The following DOP1B variants were observed in gnomAD, a reference collection of about 807,000 sequenced individuals.
The protein encoded by DOP1B is DOP1 leucine zipper like protein B, also known as protein DOP1B.
In DOP1B, 174 loss-of-function variants were observed where a neutral mutation model predicts 233.5. The observed-to-expected ratio is 0.75, with a 90% CI of 0.66 to 0.85. The LOEUF (loss-of-function observed/expected upper bound fraction) is 0.85, where lower values mean the gene tolerates loss of function less well. DOP1B is among the 40% of genes least tolerant of loss of function. DOP1B has a pLI of 0.00. For synonymous variants in DOP1B, 1,190 were observed against 1,185.6 expected, an observed-to-expected ratio of 1.00 and a Z score of -0.08; for missense variants, 2,652 against 2,846.6, an observed-to-expected ratio of 0.93 and a Z score of 1.56.
intron 24 of DOP1B, among the ~76,000 whole-genome samples, chr21:36,262,957 G>A (rs2067189004): frequency 1.3e-5 from 2 of 151,284 alleles, no homozygotes; most frequent in South Asian, 2.1e-4. Flanking sequence ...AAGAAAGGCC[G>A]GGCGCAGTGG....
At chr21:36,160,306 G>A (rs759163778) in intron 1 of DOP1B, among the ~76,000 whole-genome samples, 3 of 151,952 alleles carry the variant, frequency 2.0e-5, no homozygotes, top group East Asian at 3.9e-4. Flanking sequence ...TTGAGTAGGC[G>A]GTCTTATTTT....
chr21:36,259,653 C>T (rs62232372), intron 23 of DOP1B, among the ~76,000 whole-genome samples: 37,341 of 152,006 alleles, frequency 0.25, 5,074 homozygotes, highest in Admixed American at 0.31. Context: ...GCTTGGTCGC[C>T]GTAGAACCAA....
At chr21:36,286,413 T>A (rs2067484350) in intron 32 of DOP1B, among the ~76,000 whole-genome samples, 1 of 151,810 alleles carries the variant, frequency 6.6e-6, no homozygotes, top group Admixed American at 6.6e-5. Context: ...GGAGGGCAGA[T>A]CACGTGAGGT....
Position 36,245,599 on chromosome 21 carries a change from A to G in DOP1B, c.3619A>G (p.Thr1207Ala). The change falls in exon 19 of 37, where the codon ACA becomes GCA. Residue 1207 changes from threonine to alanine, a missense_variant. Around this residue, in one of 3 missense-constraint regions of DOP1B, gnomAD observed 2,617 missense variants for 2,794.3 expected, o/e 0.94. Transcript: ENST00000691173. The surrounding 1 kb of genome is among the most constrained non-coding windows in gnomAD (Gnocchi z 5.5). ...EADLELQALT[T>A]SRLLKQQRER... ...GGACTTGGAGCTCCAGGCCCTCACC[A>G]CATCCAGGCTGCTAAAGCAGCAGCG... 1.2e-6 allele frequency: 2 copies of G among 1,613,216 alleles called. No individual in the cohort carries two copies. Among genetic ancestry groups the G allele is most frequent in the Non-Finnish European group, 1.7e-6 (2 of 1,179,778 alleles).
intron 12 of DOP1B, among the ~76,000 whole-genome samples, chr21:36,226,294 CTCTT>C (rs1478697653): frequency 2.0e-5 from 3 of 148,066 alleles, no homozygotes; most frequent in Non-Finnish European, 2.9e-5. Context: ...GTCTCTCTCT[CTCTT>C]TTTTTTTTTT....
rs138373881 is a variant in DOP1B at position 36,277,064 on chromosome 21, G to A, written c.5676G>A (p.Ser1892=). Residue 1892 remains serine, a synonymous_variant, in exon 28 of 37, where the codon TCG becomes TCA. Transcript: ENST00000691173. ...CAATGGTGTCTTCATCCGCCCCGTC[G>A]GTGTACAGCGTGCAAGCCCTCTCTC... ...ASAMVSSSAP[S]VYSVQALSLL... 297 of 1,614,084 alleles carry A rather than the reference G, an allele frequency of 1.8e-4. 1 individual carries two copies. The African/African-American group carries it at 2.9e-3, about 16-fold the overall frequency.
chr21:36,277,011 C>G lies in DOP1B; in HGVS notation c.5633-10C>G, dbSNP rs766026408. 1.9e-6 allele frequency: 3 copies of G among 1,613,820 alleles called. No individual in the cohort carries two copies. The highest frequency in any genetic ancestry group is 1.7e-5 in the Admixed American group (1 of 59,922). On this transcript the variant is annotated splice_polypyrimidine_tract_variant and intron_variant, in intron 27 of 36. Coordinates refer to ENST00000691173, the MANE Select transcript of DOP1B (RefSeq NM_001320714.2). ...ATAGTTAACATACAAATGGCTCTTT[C>G]TGTTCACAGATGCTGCTGCAGCTTC... is the stretch of plus-strand genomic sequence containing the variant.
At chr21:36,225,786 G>A (rs1226309329) in intron 12 of DOP1B, 119 bp downstream of exon 12, 2 of 989,116 alleles carry the variant, frequency 2.0e-6, no homozygotes, top group South Asian at 1.5e-5. Flanking sequence ...ATGCAACACT[G>A]TTTTGATGTT....
intron 9 of DOP1B, among the ~76,000 whole-genome samples, chr21:36,217,606 G>A (rs766229655): frequency 1.3e-5 from 2 of 152,144 alleles, no homozygotes; most frequent in African/African-American, 2.4e-5. Flanking sequence ...TGCAGCTCTC[G>A]TCATTCTTAA....
In DOP1B at chr21:36,236,277, G is replaced by A. The variant is rs1057317316; in HGVS notation, c.2623-985G>A. On this transcript the variant is annotated intron_variant, in intron 15 of 36. Transcript: ENST00000691173. ...CCTTTGCAGACCATGCATGTTTAAT[G>A]AGCTCAGTTCAGGGCTGGGAAGATG... Among the ~76,000 whole-genome samples, 8 of 152,210 alleles carry A rather than the reference G, an allele frequency of 5.3e-5. No homozygotes were observed. The South Asian group carries it at 1.7e-3, about 32-fold the overall frequency.
In DOP1B at chr21:36,245,278, G is replaced by C; in HGVS notation, c.3298G>C (p.Ala1100Pro). 6.2e-7 allele frequency: 1 copy of C among 1,614,072 alleles called. No homozygotes were observed. The highest frequency in any genetic ancestry group is 1.1e-5 in the South Asian group (1 of 91,086). Residue 1100 changes from alanine to proline, a missense_variant, in exon 19 of 37, where the codon GCC becomes CCC. Around this residue, in one of 3 missense-constraint regions of DOP1B, gnomAD observed 2,617 missense variants for 2,794.3 expected, o/e 0.94. Coordinates refer to ENST00000691173, the MANE Select transcript of DOP1B (RefSeq NM_001320714.2). This position sits in a 1 kb window ranked among gnomAD's most constrained non-coding sequence, Gnocchi z 5.5. The part of the protein sequence containing the change: ...PYYVELPDRT[A>P]HGAPDSSEHT... ...CTACGTGGAGCTTCCAGACAGGACG[G>C]CCCACGGCGCCCCGGACAGCAGCGA... is the stretch of plus-strand genomic sequence containing the variant.
rs1448119955 is a variant in DOP1B at position 36,230,883 on chromosome 21, T to G, written c.2099T>G (p.Phe700Cys). ...TTCAAGCAGATGCTGTCAGACTTGT[T>G]CACAGCACGAGGGTCTCCATTCAAG... Reference protein sequence around the residue: ...PQFKQMLSDLFTARGSPFKTK... With the variant: ...PQFKQMLSDLCTARGSPFKTK... Residue 700 changes from phenylalanine to cysteine, a missense_variant, in exon 14 of 37, where the codon TTC becomes TGC. Phe to Cys is a radical substitution (Grantham distance 205). This residue lies in a region of DOP1B where 2,617 missense variants were observed against 2,794.3 expected (regional missense o/e 0.94). Coordinates refer to ENST00000691173, the MANE Select transcript of DOP1B (RefSeq NM_001320714.2). 31 of 1,613,988 alleles carry G rather than the reference T, an allele frequency of 1.9e-5. No homozygotes were observed. The highest frequency in any genetic ancestry group is 2.5e-5 in the Non-Finnish European group (30 of 1,180,008).
chr21:36,194,372 T>C (rs1161061269), intron 2 of DOP1B, among the ~76,000 whole-genome samples: 2 of 152,168 alleles, frequency 1.3e-5, no homozygotes, highest in Non-Finnish European at 2.9e-5. Flanking sequence ...AAGAAAATGA[T>C]ATTTCACTGT....
intron 18 of DOP1B, 88 bp from the exon 19 acceptor site, chr21:36,244,960 T>C: frequency 7.5e-7 from 1 of 1,335,260 alleles, no homozygotes; most frequent in Non-Finnish European, 1.0e-6. Flanking sequence ...GATCTTTCTG[T>C]CTGGCTTTAA....
At chr21:36,275,696 C>T (rs1311623682) in intron 27 of DOP1B, among the ~76,000 whole-genome samples, 1 of 151,746 alleles carries the variant, frequency 6.6e-6, no homozygotes, top group Non-Finnish European at 1.5e-5. Flanking sequence ...AGCATCAAGT[C>T]CCTTGAGAGA....
intron 11 of DOP1B, 63 bp from the exon 12 acceptor site, chr21:36,225,502 A>T (rs1403382896): frequency 1.9e-6 from 3 of 1,585,458 alleles, no homozygotes; most frequent in African/African-American, 1.3e-5. Flanking sequence ...AAGTGTTAAG[A>T]TTATAGGTGT....
intron 7 of DOP1B, 68 bp downstream of exon 7, chr21:36,212,165 A>T: frequency 6.8e-7 from 1 of 1,476,346 alleles, no homozygotes; most frequent in Non-Finnish European, 9.0e-7. Context: ...GACTTCTGGA[A>T]TAAGATTTGG....
In DOP1B at chr21:36,240,025, G is replaced by C. The variant is rs2066875639; in HGVS notation, c.3067+70G>C. The C allele has an allele frequency of 1.3e-5, 20 of 1,484,094 alleles. No homozygotes were observed. The South Asian group carries it at 2.5e-4, about 19-fold the overall frequency. The allele number at this position is 1,484,094 out of a possible 1,614,324, so 91.9% of individuals were successfully genotyped here. On this transcript the variant is annotated intron_variant, in intron 18 of 36. Coordinates refer to ENST00000691173, the MANE Select transcript of DOP1B (RefSeq NM_001320714.2). ...GGGGGACTGGACCTCAGCAGTGATA[G>C]CTGAGAGACTGAGGCCCACTAGGGG...
chr21:36,212,317 G>A (rs2066508769), intron 7 of DOP1B, among the ~76,000 whole-genome samples: 1 of 152,138 alleles, frequency 6.6e-6, no homozygotes, highest in South Asian at 2.1e-4. Context: ...AATAATAAGT[G>A]GGATTTTTAA....
Sources: allele counts gnomAD v4.1 joint callset (sites outside exome capture counted in the v4.1 genomes callset), GRCh38; gene constraint gnomAD v4.1.1; regional missense constraint gnomAD v4.1.1; non-coding constraint Gnocchi (gnomAD v3.1); transcripts MANE v1.5; gene names NCBI Gene and HGNC (gene_info 2026-07-23, HGNC 2026-07-21).